SMYD2: variants seen among roughly 807,000 people sequenced by gnomAD.
SMYD2 encodes SET and MYND domain containing 2, also known as N-lysine methyltransferase SMYD2.
SMYD2 carries 53 observed loss-of-function variants against 59.1 expected under a neutral mutation model. That is an observed-to-expected ratio of 0.90 (90% CI 0.72 to 1.13). SMYD2 has a LOEUF of 1.13. SMYD2 is among the 50% of genes most tolerant of loss of function. The pLI, the probability that SMYD2 is intolerant of heterozygous loss-of-function variation, is 0.00. For missense variants in SMYD2, 494 were observed against 544.7 expected, an observed-to-expected ratio of 0.91 and a Z score of 0.93; for synonymous variants, 208 against 198.8, an observed-to-expected ratio of 1.05 and a Z score of -0.39.
At chr1:214,286,379 G>GT in intron 1 of SMYD2, among the ~76,000 whole-genome samples, 1 of 152,236 alleles carries the variant, frequency 6.6e-6, no homozygotes, top group African/African-American at 2.4e-5. Flanking sequence ...GTAGGCTGAG[G>GT]TGGGAAGATC....
chr1:214,311,704 TAATA>T (rs1657001333), intron 2 of SMYD2, among the ~76,000 whole-genome samples: 3 of 152,196 alleles, frequency 2.0e-5, no homozygotes, highest in South Asian at 2.1e-4. Flanking sequence ...TCAACTACAT[TAATA>T]AATTGATATT....
Position 214,318,913 on chromosome 1 carries a change from C to T in SMYD2, c.464C>T (p.Ala155Val). Residue 155 changes from alanine (A) to valine (V), a missense_variant, in exon 5 of 12, where the codon GCT (alanine) becomes GTT (valine). Ala to Val is a moderately conservative substitution (Grantham distance 64, BLOSUM62 0). Transcript: ENST00000366957. This position sits in a 1 kb window ranked among gnomAD's most constrained non-coding sequence, Gnocchi z 5.4. ...GATTTGATTCAGAGTGACATAGCTG[C>T]TCTCCATCACTTTTACTCCAAGCAT... ...KKDLIQSDIA[A>V]LHHFYSKHLG... 5 of 1,613,928 alleles carry T rather than the reference C, an allele frequency of 3.1e-6. No homozygotes were observed. Among genetic ancestry groups the T allele is most frequent in the Non-Finnish European group, 4.2e-6 (5 of 1,179,880 alleles).
intron 1 of SMYD2, among the ~76,000 whole-genome samples, chr1:214,286,984 A>G (rs1001809810): frequency 2.2e-4 from 34 of 151,556 alleles, no homozygotes; most frequent in African/African-American, 8.0e-4. Flanking sequence ...ATGCACCACC[A>G]TGCCTGGCTA....
chr1:214,325,330 TTGTC>T (rs1474176269), intron 6 of SMYD2, among the ~76,000 whole-genome samples: 1 of 152,234 alleles, frequency 6.6e-6, no homozygotes, highest in African/African-American at 2.4e-5. Flanking sequence ...GATTTTGCCT[TTGTC>T]TGTCTCATGG....
intron 7 of SMYD2, among the ~76,000 whole-genome samples, chr1:214,328,696 T>C (rs1000614557): frequency 8.5e-5 from 13 of 152,350 alleles, no homozygotes; most frequent in African/African-American, 1.2e-4. Context: ...AGTGCTTTGC[T>C]TTCTCTGGAA....
At chr1:214,320,662 A>G (rs1474568918) in intron 5 of SMYD2, among the ~76,000 whole-genome samples, 1 of 152,284 alleles carries the variant, frequency 6.6e-6, no homozygotes, top group East Asian at 1.9e-4. Flanking sequence ...ACTTCTGCCC[A>G]CTTCAGCTTC....
At chr1:214,299,478 TATATAC>T (rs989470314) in intron 1 of SMYD2, among the ~76,000 whole-genome samples, 2 of 28,500 alleles carry the variant, frequency 7.0e-5, no homozygotes, top group Non-Finnish European at 1.7e-4. Context: ...TATATATATA[TATATAC>T]ACCATAGAAT....
intron 3 of SMYD2, among the ~76,000 whole-genome samples, chr1:214,316,844 A>AAG (rs1466377028): frequency 6.6e-6 from 1 of 152,164 alleles, no homozygotes; most frequent in Admixed American, 6.5e-5. Context: ...GATCCTTAAT[A>AAG]ACAGTTATTT....
chr1:214,316,324 T>G (rs1211530112), intron 3 of SMYD2, among the ~76,000 whole-genome samples: 1 of 151,860 alleles, frequency 6.6e-6, no homozygotes, highest in Non-Finnish European at 1.5e-5. Flanking sequence ...TTTTAAAAAT[T>G]AAAAAAATTT....
chr1:214,330,203 G>A lies in SMYD2; in HGVS notation c.741G>A (p.Thr247=), dbSNP rs375380733. ...FTSYIDLLYP[T]EDRNDRLRDS... ...GCTATATTGATCTCCTGTACCCAAC[G>A]GAAGATAGAAATGACCGGTTAAGAG... The change falls in exon 8 of 12, where the codon ACG becomes ACA. Residue 247 remains threonine (T), a synonymous_variant. Transcript: ENST00000366957. 1.9e-5 allele frequency: 30 copies of A among 1,613,296 alleles called. No individual in the cohort carries two copies. Among genetic ancestry groups the A allele is most frequent in the Non-Finnish European group, 2.4e-5 (28 of 1,179,562 alleles).
intron 1 of SMYD2, among the ~76,000 whole-genome samples, chr1:214,294,790 A>T (rs1414079515): frequency 6.6e-6 from 1 of 152,220 alleles, no homozygotes; most frequent in Non-Finnish European, 1.5e-5. Flanking sequence ...GGAACTCACA[A>T]TTAGCATTAG....
chr1:214,299,283 G>T (rs941843210), intron 1 of SMYD2, among the ~76,000 whole-genome samples: 1 of 152,058 alleles, frequency 6.6e-6, no homozygotes, highest in Non-Finnish European at 1.5e-5. Context: ...TTTCTCAAAG[G>T]ACTTAAAACA....
intron 1 of SMYD2, among the ~76,000 whole-genome samples, chr1:214,299,465 T>TTATATATATATATATATATA (rs756823866): frequency 0.013 from 922 of 71,064 alleles, 13 homozygotes; most frequent in African/African-American, 0.021. Flanking sequence ...AAAGAAAACA[T>TTATATATATATATATATATA]TATATATATA....
At chr1:214,311,012 G>C (rs569799159) in intron 2 of SMYD2, among the ~76,000 whole-genome samples, 1 of 152,096 alleles carries the variant, frequency 6.6e-6, no homozygotes, top group Non-Finnish European at 1.5e-5. Context: ...TATTACTGTG[G>C]TAAATTTCCT....
chr1:214,330,553 G>C (rs1468730979), intron 8 of SMYD2, among the ~76,000 whole-genome samples: 1 of 152,160 alleles, frequency 6.6e-6, no homozygotes, highest in Admixed American at 6.5e-5. Flanking sequence ...AAAGGAGGAG[G>C]GGGGAAAAGC....
At chr1:214,330,026 C>T in intron 7 of SMYD2, 142 bp from the exon 8 acceptor site, 1 of 527,944 alleles carries the variant, frequency 1.9e-6, no homozygotes, top group Non-Finnish European at 3.3e-6. Flanking sequence ...GAATTCCGTG[C>T]CTTAAAGTAA....
rs1039784889 is a variant in SMYD2 at position 214,312,774 on chromosome 1, G to A, written c.238-1988G>A. On this transcript the variant is annotated intron_variant, in intron 2 of 11. Transcript: ENST00000366957. The surrounding 1 kb of genome is among the most constrained non-coding windows in gnomAD (Gnocchi z 4.1). ...TGGTGCAGGGACGCTCCCATCACGT[G>A]TGGCCTCCTAGGTCACCTTTAGCGC... is the stretch of plus-strand genomic sequence containing the variant. Among the ~76,000 whole-genome samples, 1 of 152,230 alleles carries A rather than the reference G, an allele frequency of 6.6e-6. No individual in the cohort carries two copies. The highest frequency in any genetic ancestry group is 1.5e-5 in the Non-Finnish European group (1 of 68,042).
At chr1:214,335,491 C>T (rs1370626153) in intron 11 of SMYD2, among the ~76,000 whole-genome samples, 5 of 152,168 alleles carry the variant, frequency 3.3e-5, no homozygotes, top group African/African-American at 9.7e-5. Flanking sequence ...CTTGGCCTGC[C>T]TCCTCTTGGC....
intron 3 of SMYD2, among the ~76,000 whole-genome samples, chr1:214,316,536 T>C (rs941056620): frequency 1.3e-5 from 2 of 151,988 alleles, no homozygotes; most frequent in African/African-American, 4.8e-5. Context: ...ACTTCTCCTG[T>C]ATACCTACCA....
Sources: allele counts gnomAD v4.1 joint callset (sites outside exome capture counted in the v4.1 genomes callset), GRCh38; gene constraint gnomAD v4.1.1; non-coding constraint Gnocchi (gnomAD v3.1); transcripts MANE v1.5; gene names NCBI Gene and HGNC (gene_info 2026-07-23, HGNC 2026-07-21).